PCDHGB1: variants seen among roughly 807,000 people sequenced by gnomAD.
The protein encoded by PCDHGB1 is protocadherin gamma subfamily B, 1, also known as protocadherin gamma-B1.
PCDHGB1 carries 34 observed loss-of-function variants against 56.6 expected under a neutral mutation model. The observed-to-expected ratio is 0.60, with a 90% CI of 0.46 to 0.80. PCDHGB1 has a LOEUF of 0.80. PCDHGB1 is among the 30% of genes least tolerant of loss of function. The probability of loss-of-function intolerance (pLI) is 0.00; values close to 1 mark genes in which losing one functional copy is unlikely to be tolerated. For synonymous variants in PCDHGB1, 561 were observed against 505.9 expected (o/e 1.11, Z -1.46); for missense variants, 1,278 against 1,204.6 (o/e 1.06, Z -0.90).
chr5:141,427,905 A>G (rs754321006), intron 1 of PCDHGB1: 1 of 1,574,682 alleles, frequency 6.4e-7, no homozygotes, highest in South Asian at 1.1e-5. Context: ...GCCCGCGCTC[A>G]GCGCCAACAT....
At chr5:141,497,209 TG>T (rs11343387) in intron 2 of PCDHGB1, among the ~76,000 whole-genome samples, 90,704 of 151,262 alleles carry the variant, frequency 0.6, 29,397 homozygotes, top group African/African-American at 0.86. Context: ...GTGAGTGTAA[TG>T]GGGGGGGGAA....
chr5:141,382,534 T>G (rs1284471897), intron 1 of PCDHGB1, among the ~76,000 whole-genome samples: 1 of 152,218 alleles, frequency 6.6e-6, no homozygotes, highest in Non-Finnish European at 1.5e-5. Context: ...TAAAATGGAT[T>G]TTTAATTATC....
At chr5:141,366,285 C>A in intron 1 of PCDHGB1, 1 of 1,613,710 alleles carries the variant, frequency 6.2e-7, no homozygotes, top group East Asian at 2.2e-5. Flanking sequence ...CATGGCCAGC[C>A]CCCTCTGTCA....
intron 1 of PCDHGB1, chr5:141,364,782 G>A (rs1315121311): frequency 6.2e-7 from 1 of 1,613,884 alleles, no homozygotes; most frequent in African/African-American, 1.3e-5. Flanking sequence ...GCAGGGACAC[G>A]GTTAGTGCTT....
intron 1 of PCDHGB1, among the ~76,000 whole-genome samples, chr5:141,461,819 A>G (rs573339238): frequency 1.3e-5 from 2 of 149,282 alleles, no homozygotes; most frequent in African/African-American, 2.5e-5. Flanking sequence ...ACACCCAGCT[A>G]ATTTTTTTTT....
At chr5:141,475,657 C>T (rs2099366732) in intron 1 of PCDHGB1, among the ~76,000 whole-genome samples, 1 of 152,204 alleles carries the variant, frequency 6.6e-6, no homozygotes, top group Non-Finnish European at 1.5e-5. Flanking sequence ...GAAAGTGATT[C>T]AAATGTTTAA....
At chr5:141,393,277 C>T (rs749579658) in intron 1 of PCDHGB1, 4 of 1,613,844 alleles carry the variant, frequency 2.5e-6, no homozygotes, top group Non-Finnish European at 3.4e-6. Flanking sequence ...TATCCACTCC[C>T]AGAAGCTGTT....
intron 3 of PCDHGB1, among the ~76,000 whole-genome samples, chr5:141,506,621 G>A (rs143369587): frequency 1.3e-5 from 2 of 152,178 alleles, no homozygotes; most frequent in African/African-American, 4.8e-5. Flanking sequence ...GTGTTACCAG[G>A]GCCAAATGCA....
At position 141,489,749 on chromosome 5, in the gene PCDHGB1, AC is replaced by A; in HGVS notation, c.2410-5057del. ...GTGGGCACCAATACTGTGAGCTTTT[AC>A]ACTCTAAGCCCCAACAGCCACTTCT... is the stretch of plus-strand genomic sequence containing the variant. On this transcript the variant is annotated intron_variant, in intron 1 of 3. Transcript: ENST00000523390. The surrounding 1 kb of genome is among the most constrained non-coding windows in gnomAD (Gnocchi z 4.5). 6.2e-7 allele frequency: 1 copy of A among 1,614,126 alleles called. No individual in the cohort carries two copies. Among genetic ancestry groups the A allele is most frequent in the Non-Finnish European group, 8.5e-7 (1 of 1,180,002 alleles).
Position 141,351,105 on chromosome 5 carries a change from C to A in PCDHGB1, c.845C>A (p.Pro282Gln), listed in dbSNP as rs1212938457. 1.2e-6 allele frequency: 2 copies of A among 1,614,062 alleles called. No individual in the cohort carries two copies. The highest frequency in any genetic ancestry group is 4.5e-5 in the East Asian group (2 of 44,886). ...AEITYAFLNS[P>Q]ISTSLFNLNP... ...ATCACCTATGCCTTCCTCAATTCCCCAATAAGTACCAGCCTCTTCAATCTC... is the reference window on the plus strand; with the variant it reads ...ATCACCTATGCCTTCCTCAATTCCCAAATAAGTACCAGCCTCTTCAATCTC... Residue 282 changes from proline to glutamine, a missense_variant, in exon 1 of 4, where the codon CCA (proline) becomes CAA (glutamine). Pro to Gln is a moderately conservative substitution (Grantham distance 76, BLOSUM62 -1). Transcript: ENST00000523390.
At position 141,490,221 on chromosome 5, in the gene PCDHGB1, G is replaced by A; in HGVS notation, c.2410-4586G>A. 6.2e-7 allele frequency: 1 copy of A among 1,614,236 alleles called. No individual in the cohort carries two copies. The highest frequency in any genetic ancestry group is 1.1e-5 in the South Asian group (1 of 91,084). ...ATGCAAGAGCCCGTGACCAGGGACAGCCTGCCATGGAGGGCCACTGTGTGA... is the reference window on the plus strand; with the variant it reads ...ATGCAAGAGCCCGTGACCAGGGACAACCTGCCATGGAGGGCCACTGTGTGA... On this transcript the variant is annotated intron_variant, in intron 1 of 3. Transcript: ENST00000523390. The surrounding 1 kb of genome is among the most constrained non-coding windows in gnomAD (Gnocchi z 5.4).
intron 1 of PCDHGB1, chr5:141,389,407 A>C: frequency 6.2e-7 from 1 of 1,613,616 alleles, no homozygotes; most frequent in Non-Finnish European, 8.5e-7. Flanking sequence ...ATAAGCGCGG[A>C]GAGCGGGGTG....
chr5:141,415,744 T>TTTTTG, intron 1 of PCDHGB1: 1 of 404,416 alleles, frequency 2.5e-6, no homozygotes, highest in Non-Finnish European at 3.0e-6. Context: ...ATTAAGGTTT[T>TTTTTG]TTTTTTTTTT....
chr5:141,397,245 G>A (rs2093494919), intron 1 of PCDHGB1, among the ~76,000 whole-genome samples: 1 of 152,148 alleles, frequency 6.6e-6, no homozygotes, highest in African/African-American at 2.4e-5. Flanking sequence ...CAACGTAGTA[G>A]GGTATATCAT....
In PCDHGB1 at chr5:141,418,047, C is replaced by G. The variant is rs968352679; in HGVS notation, c.2409+65378C>G. The G allele has an allele frequency of 6.2e-6, 10 of 1,613,894 alleles. No individual in the cohort carries two copies. The highest frequency in any genetic ancestry group is 1.6e-4 in the Middle Eastern group (1 of 6,076). ...GGGCTTAGTGTCCTGGATGTGTCGG[C>G]TCGCGAGCTGCGAGTGAGCGCGGAG... On this transcript the variant is annotated intron_variant, in intron 1 of 3. Transcript: ENST00000523390.
At chr5:141,357,201 C>A in intron 1 of PCDHGB1, 1 of 1,613,844 alleles carries the variant, frequency 6.2e-7, no homozygotes, top group Non-Finnish European at 8.5e-7. Context: ...TGGCCGACAG[C>A]ATCCCAGATG....
intron 1 of PCDHGB1, among the ~76,000 whole-genome samples, chr5:141,433,847 A>C (rs979302028): frequency 6.6e-6 from 1 of 151,976 alleles, no homozygotes; most frequent in South Asian, 2.1e-4. Context: ...CAAAAAAAAA[A>C]AAAAAAAACT....
At chr5:141,393,769 T>C in intron 1 of PCDHGB1, 2 of 1,613,912 alleles carry the variant, frequency 1.2e-6, no homozygotes, top group Non-Finnish European at 1.7e-6. Flanking sequence ...GAAATGGAAA[T>C]ACAAGCCGAA....
chr5:141,409,761 T>A, intron 1 of PCDHGB1: 1 of 1,612,966 alleles, frequency 6.2e-7, no homozygotes, highest in Non-Finnish European at 8.5e-7. Context: ...CAGCGCGCCT[T>A]TGATCACGAG....
Sources: allele counts gnomAD v4.1 joint callset (sites outside exome capture counted in the v4.1 genomes callset), GRCh38; gene constraint gnomAD v4.1.1; non-coding constraint Gnocchi (gnomAD v3.1); transcripts MANE v1.5; gene names NCBI Gene and HGNC (gene_info 2026-07-23, HGNC 2026-07-21).